Variants in ADH1A observed in about 807,000 individuals in gnomAD.
The protein encoded by ADH1A is alcohol dehydrogenase 1A.
ADH1A carries 29 observed loss-of-function variants against 35.2 expected under a neutral mutation model. The ratio of observed to expected loss-of-function variants is 0.82; its 90% CI spans 0.61 to 1.12. The LOEUF is 1.12. ADH1A is among the 50% of genes most tolerant of loss of function. ADH1A has a pLI of 0.00. For synonymous variants in ADH1A, 147 were observed against 164.8 expected (o/e 0.89, Z 0.83); for missense variants, 469 against 464.7 (o/e 1.01, Z -0.09).
chr4:99,282,235 T>G, intron 6 of ADH1A, 111 bp downstream of exon 6: 2 of 1,601,418 alleles, frequency 1.2e-6, no homozygotes, highest in Non-Finnish European at 1.7e-6. Context: ...TGATGGGAAA[T>G]TTCCATTCAT....
In ADH1A at chr4:99,284,772, C is replaced by T; in HGVS notation, c.291G>A (p.Gln97=). The T allele has an allele frequency of 6.2e-7, 1 of 1,614,194 alleles. No individual in the cohort carries two copies. The highest frequency in any genetic ancestry group is 2.2e-5 in the East Asian group (1 of 44,884). ...GDKVIPLAIP[Q]CGKCRICKNP... Reference sequence around the variant, plus strand: ...TTTTACAAATTCTGCATTTTCCACACTGAGGAATAGCGAGTGGGATGACTT... The same window carrying T: ...TTTTACAAATTCTGCATTTTCCACATTGAGGAATAGCGAGTGGGATGACTT... The change falls in exon 4 of 9, where the codon CAG becomes CAA. Residue 97 remains glutamine, a synonymous_variant. Transcript: ENST00000209668.
intron 8 of ADH1A, chr4:99,278,453 A>G (rs1355015139): frequency 1.3e-5 from 2 of 152,120 alleles, no homozygotes; most frequent in Admixed American, 6.6e-5. Flanking sequence ...CTTCTCTAAG[A>G]TAGTGAGATT....
Position 99,280,246 on chromosome 4 carries a change from CA to C in ADH1A, c.861del (p.Cys287TrpfsTer7). ...MASLLCCHEA[C>X]GTSVIVGVPP... is the part of the protein sequence containing the mutation. ...GGTACCCCTACGATGACACTTGTGCCACATGCCTCATGACAACATAACAGGG... is the reference window on the plus strand; with the variant it reads ...GGTACCCCTACGATGACACTTGTGCCCATGCCTCATGACAACATAACAGGG... On this transcript the variant is annotated frameshift_variant, in exon 7 of 9. Coordinates refer to ENST00000209668, the MANE Select transcript of ADH1A (RefSeq NM_000667.4). LOFTEE classifies it high-confidence loss of function. 6.2e-7 allele frequency: 1 copy of C among 1,613,662 alleles called. No individual in the cohort carries two copies. The highest frequency in any genetic ancestry group is 8.5e-7 in the Non-Finnish European group (1 of 1,179,842).
intron 1 of ADH1A, among the ~76,000 whole-genome samples, chr4:99,288,046 G>A (rs1411444451): frequency 6.6e-6 from 1 of 152,204 alleles, no homozygotes; most frequent in Admixed American, 6.5e-5. Flanking sequence ...TTTGCTGACA[G>A]AGTCAGTGTC....
chr4:99,279,357 T>C, intron 8 of ADH1A, 69 bp downstream of exon 8: 15 of 1,517,760 alleles, frequency 9.9e-6, no homozygotes, highest in Non-Finnish European at 1.3e-5. Flanking sequence ...TTCCACCTTT[T>C]CATTTTCTGC....
At chr4:99,285,901 G>A (rs903856317) in intron 3 of ADH1A, among the ~76,000 whole-genome samples, 14 of 151,548 alleles carry the variant, frequency 9.2e-5, no homozygotes, top group African/African-American at 3.4e-4. Context: ...GGGCACCTGT[G>A]GCCCCAGATA....
rs2110606091 is a variant in ADH1A, at chr4:99,282,398, G to T, written c.776C>A (p.Thr259Asn). 6.2e-7 allele frequency: 1 copy of T among 1,614,142 alleles called. No homozygotes were observed. The highest frequency in any genetic ancestry group is 1.3e-5 in the African/African-American group (1 of 75,048). ...KPIQEVLKEM[T>N]DGGVDFSFEV... Reference sequence around the variant, plus strand: ...AAATGAAAAATCCACACCTCCATCAGTCATTTCCTTTAGCACCTCCTGGAT... The same window carrying T: ...AAATGAAAAATCCACACCTCCATCATTCATTTCCTTTAGCACCTCCTGGAT... The change falls in exon 6 of 9, where the codon ACT (threonine) becomes AAT (asparagine). Residue 259 changes from threonine (T) to asparagine (N), a missense_variant. Physicochemically the swap from Thr to Asn is moderately conservative, Grantham distance 65. Coordinates refer to ENST00000209668, the MANE Select transcript of ADH1A (RefSeq NM_000667.4).
chr4:99,278,679 G>C (rs1484525129), intron 8 of ADH1A, among the ~76,000 whole-genome samples: 1 of 152,118 alleles, frequency 6.6e-6, no homozygotes, highest in Non-Finnish European at 1.5e-5. Context: ...AAAAGTCTCA[G>C]ACTCTGGAGC....
At chr4:99,287,405 G>C (rs1008232399) in intron 2 of ADH1A, among the ~76,000 whole-genome samples, 159 bp downstream of exon 2, 4 of 152,062 alleles carry the variant, frequency 2.6e-5, no homozygotes, top group Admixed American at 1.3e-4. Flanking sequence ...GAATTACACT[G>C]TGTGCACTTT....
At chr4:99,284,255 T>A (rs1733082387) in intron 5 of ADH1A, 144 bp downstream of exon 5, 1 of 907,042 alleles carries the variant, frequency 1.1e-6, no homozygotes. Flanking sequence ...GCATGTGCTC[T>A]CAATTCTTTC....
intron 1 of ADH1A, 98 bp from the exon 2 acceptor site, chr4:99,287,763 G>A: frequency 7.6e-7 from 1 of 1,319,750 alleles, no homozygotes; most frequent in Non-Finnish European, 1.1e-6. Flanking sequence ...CTAATCCCAT[G>A]TCTGGTACCT....
In ADH1A at chr4:99,279,315, G is replaced by A. The variant is rs564282607; in HGVS notation, c.1103+111C>T. The A allele has an allele frequency of 3.0e-4, 416 of 1,372,862 alleles. 1 individual carries two copies. Among genetic ancestry groups the A allele is most frequent in the Admixed American group, 2.8e-4 (10 of 35,656 alleles). 85.0% of individuals were successfully genotyped at this position (1,372,862 alleles called of 1,614,324 possible). On this transcript the variant is annotated intron_variant, in intron 8 of 8. Transcript: ENST00000209668. ...CCATGTAAAGACTGAACTGGTAATG[G>A]AAGAACCAAGGCACTCTAATTTTTC... is the stretch of plus-strand genomic sequence containing the variant.
Position 99,280,260 on chromosome 4 carries a change from CAACAT to C in ADH1A, c.843_847del (p.Cys282SerfsTer2), listed in dbSNP as rs778392883. On this transcript the variant is annotated frameshift_variant, in exon 7 of 9. Transcript: ENST00000209668. LOFTEE classifies it high-confidence loss of function. ...GACACTTGTGCCACATGCCTCATGACAACATAACAGGGAAGCCATCTGGAATAAAG... is the reference window on the plus strand; with the variant it reads ...GACACTTGTGCCACATGCCTCATGACAACAGGGAAGCCATCTGGAATAAAG... 3 of 1,613,566 alleles carry C rather than the reference CAACAT, an allele frequency of 1.9e-6. No homozygotes were observed. The East Asian group carries it at 6.7e-5, about 36-fold the overall frequency.
At position 99,280,272 on chromosome 4, in the gene ADH1A, G is replaced by A. The variant is rs754619446; in HGVS notation, c.836C>T (p.Ser279Phe). 1 of 1,613,318 alleles carries A rather than the reference G, an allele frequency of 6.2e-7. No individual in the cohort carries two copies. Among genetic ancestry groups the A allele is most frequent in the Non-Finnish European group, 8.5e-7 (1 of 1,179,804 alleles). The change falls in exon 7 of 9, where the codon TCC (serine) becomes TTC (phenylalanine). Residue 279 changes from serine (S) to phenylalanine (F), a missense_variant. Transcript: ENST00000209668. ...VIGRLDTMMA[S>F]LLCCHEACGT... ...ACATGCCTCATGACAACATAACAGG[G>A]AAGCCATCTGGAATAAAGTGAACAC...
At chr4:99,280,047 G>C (rs922309879) in intron 7 of ADH1A, 97 bp downstream of exon 7, 10 of 1,527,086 alleles carry the variant, frequency 6.5e-6, no homozygotes, top group Non-Finnish European at 9.1e-6. Context: ...ATTTTAATTT[G>C]TTTTTGATCT....
chr4:99,281,493 C>G (rs577342624), intron 6 of ADH1A, among the ~76,000 whole-genome samples: 8 of 152,246 alleles, frequency 5.3e-5, no homozygotes, highest in Admixed American at 5.2e-4. Flanking sequence ...ATATTCTCAG[C>G]ATTTTTGGAG....
Position 99,282,034 on chromosome 4 carries a change from T to C in ADH1A, c.828+312A>G, listed in dbSNP as rs1009009954. 1.0e-5 allele frequency: 4 copies of C among 392,580 alleles called. No individual in the cohort carries two copies. The South Asian group carries it at 1.8e-4, about 17-fold the overall frequency. 24.3% of individuals were successfully genotyped at this position (392,580 alleles called of 1,614,324 possible). A position where few individuals can be genotyped will look rare whatever the true frequency, so the allele number is the denominator to read the frequency against. ...CATTCCAATTTGAGAACAGAACTTGTATTATTTATGTTTACTTTAACTTAC... is the reference window on the plus strand; with the variant it reads ...CATTCCAATTTGAGAACAGAACTTGCATTATTTATGTTTACTTTAACTTAC... On this transcript the variant is annotated intron_variant, in intron 6 of 8. Transcript: ENST00000209668.
intron 2 of ADH1A, 133 bp downstream of exon 2, chr4:99,287,431 T>A (rs1733180213): frequency 2.3e-6 from 2 of 871,482 alleles, no homozygotes; most frequent in Non-Finnish European, 1.7e-6. Flanking sequence ...AATTTAAAAA[T>A]TTATATTTAT....
At chr4:99,285,351 TCAAAAATGGGA>T (rs1194280259) in intron 3 of ADH1A, among the ~76,000 whole-genome samples, 1 of 152,112 alleles carries the variant, frequency 6.6e-6, no homozygotes, top group Non-Finnish European at 1.5e-5. Context: ...AGGAAAACTA[TCAAAAATGGGA>T]CAAAGAACAA....
Sources: gnomAD v4.1 joint callset for allele counts (sites outside exome capture counted in the v4.1 genomes callset) on GRCh38, gnomAD v4.1.1 for gene constraint, MANE v1.5 for transcripts, NCBI Gene and HGNC (gene_info 2026-07-23, HGNC 2026-07-21) for gene names.